Variants in SAMD12 observed in about 807,000 individuals in gnomAD.
SAMD12 encodes the protein sterile alpha motif domain-containing protein 12.
In SAMD12, 9 loss-of-function variants were observed where a neutral mutation model predicts 15.0. The observed-to-expected ratio is 0.60, with a 90% confidence interval of 0.36 to 1.05. The LOEUF is 1.05. Ranked by LOEUF, SAMD12 falls within the 50% of genes least tolerant of loss-of-function variation. The probability of loss-of-function intolerance (pLI) is 0.01; values close to 1 mark genes in which losing one functional copy is unlikely to be tolerated. For synonymous variants in SAMD12, 86 were observed against 90.1 expected (o/e 0.96, Z 0.25); for missense variants, 230 against 234.2 (o/e 0.98, Z 0.12).
chr8:118,590,283 G>A lies in SAMD12; in HGVS notation c.14-9390C>T, dbSNP rs1827553557. 2.0e-5 allele frequency among the ~76,000 whole-genome samples: 3 copies of A among 152,266 alleles called. No homozygotes were observed. The South Asian group carries it at 6.2e-4, about 32-fold the overall frequency. On this transcript the variant is annotated intron_variant, in intron 1 of 3. Transcript: ENST00000314727. ...CAGTAAAGGCTGATTGTAAAGCCTAGACTCACACCCTCACCAGGCTGCACT... is the reference window on the plus strand; with the variant it reads ...CAGTAAAGGCTGATTGTAAAGCCTAAACTCACACCCTCACCAGGCTGCACT...
chr8:118,551,632 C>A (rs899307114), intron 2 of SAMD12, among the ~76,000 whole-genome samples: 23 of 151,470 alleles, frequency 1.5e-4, no homozygotes, highest in African/African-American at 4.1e-4. Flanking sequence ...AAAGCAAGAG[C>A]AAACACATTC....
chr8:118,616,400 T>A (rs893650213), intron 1 of SAMD12, among the ~76,000 whole-genome samples: 4 of 152,126 alleles, frequency 2.6e-5, no homozygotes, highest in Non-Finnish European at 5.9e-5. Flanking sequence ...GTACCACCAG[T>A]AGAAGAGGTA....
chr8:118,227,524 TA>T (rs1423753203), intron 4 of SAMD12, among the ~76,000 whole-genome samples: 2 of 150,916 alleles, frequency 1.3e-5, no homozygotes, highest in East Asian at 1.9e-4. Flanking sequence ...AAATGAGAGT[TA>T]AAAAAAAAGA....
intron 4 of SAMD12, among the ~76,000 whole-genome samples, chr8:118,312,908 A>C (rs2130399463): frequency 6.6e-6 from 1 of 152,266 alleles, no homozygotes; most frequent in South Asian, 2.1e-4. Flanking sequence ...AGTTACCTTG[A>C]CTTGGTATTA....
intron 4 of SAMD12, chr8:118,288,354 C>T (rs1814166693): frequency 6.6e-6 from 1 of 152,128 alleles, no homozygotes; most frequent in South Asian, 2.1e-4. Context: ...TGCCATCACC[C>T]TGCATAACTG....
chr8:118,556,591 TAA>T (rs1057230675), intron 2 of SAMD12, among the ~76,000 whole-genome samples: 1 of 152,230 alleles, frequency 6.6e-6, no homozygotes, highest in African/African-American at 2.4e-5. Context: ...CAGAATCTAA[TAA>T]GTGTGATGGT....
At chr8:118,152,086 T>C in the SAMD12 span, among the ~76,000 whole-genome samples, 5 of 152,128 alleles carry the variant, frequency 3.3e-5, no homozygotes, top group African/African-American at 4.8e-5. Flanking sequence ...TTAGAAGACA[T>C]ATAACAAAGT....
intron 2 of SAMD12, among the ~76,000 whole-genome samples, chr8:118,469,507 A>ATTT (rs1563879043): frequency 2.2e-4 from 1 of 4,616 alleles, no homozygotes; most frequent in African/African-American, 3.6e-4. Context: ...ATATTTTTAT[A>ATTT]TAATATATAA....
At chr8:118,604,731 C>T (rs2131304273) in intron 1 of SAMD12, among the ~76,000 whole-genome samples, 1 of 152,080 alleles carries the variant, frequency 6.6e-6, no homozygotes, top group South Asian at 2.1e-4. Context: ...ACCATCCTGG[C>T]TAACACAGTG....
At chr8:118,330,650 A>C (rs572231836) in intron 4 of SAMD12, among the ~76,000 whole-genome samples, 5 of 152,250 alleles carry the variant, frequency 3.3e-5, no homozygotes, top group Non-Finnish European at 5.9e-5. Flanking sequence ...GAGGCAACAG[A>C]TTGAGATAAA....
intron 1 of SAMD12, among the ~76,000 whole-genome samples, chr8:118,590,431 G>C (rs112395403): frequency 2.6e-5 from 4 of 152,206 alleles, no homozygotes; most frequent in African/African-American, 9.6e-5. Flanking sequence ...GAGATGATAT[G>C]GCAAGGCTGG....
At chr8:118,543,106 C>T (rs1449236896) in intron 2 of SAMD12, among the ~76,000 whole-genome samples, 1 of 152,108 alleles carries the variant, frequency 6.6e-6, no homozygotes, top group African/African-American at 2.4e-5. Context: ...TCTTTGAAAG[C>T]CTAGTTCCCT....
chr8:118,243,744 C>G (rs1285280729), intron 4 of SAMD12, among the ~76,000 whole-genome samples: 2 of 152,050 alleles, frequency 1.3e-5, no homozygotes, highest in Non-Finnish European at 2.9e-5. Context: ...GAGTGTGAAA[C>G]TTTGAAGGAT....
intron 2 of SAMD12, among the ~76,000 whole-genome samples, chr8:118,486,538 T>C (rs912847280): frequency 1.3e-4 from 19 of 151,952 alleles, no homozygotes; most frequent in Admixed American, 2.0e-4. Context: ...AATGCAGGCA[T>C]TCTCTAGAAA....
chr8:118,294,948 G>A (rs1052834864), intron 4 of SAMD12, among the ~76,000 whole-genome samples: 3 of 152,176 alleles, frequency 2.0e-5, no homozygotes, highest in Non-Finnish European at 4.4e-5. Context: ...AGTTTAGAAA[G>A]CAGGAACTGT....
intron 2 of SAMD12, among the ~76,000 whole-genome samples, chr8:118,573,649 TG>T (rs1827078756): frequency 6.6e-6 from 1 of 152,236 alleles, no homozygotes; most frequent in African/African-American, 2.4e-5. Flanking sequence ...CCTTGTCCAT[TG>T]TGTGGCTAAT....
At position 118,599,583 on chromosome 8, in the gene SAMD12, C is replaced by T. The variant is rs113107798; in HGVS notation, c.14-18690G>A. Reference sequence around the variant, plus strand: ...TTTTGTCCCAGTTCACCTCCAATCACCCCACTTTCACAACGATTCAATGTT... The same window carrying T: ...TTTTGTCCCAGTTCACCTCCAATCATCCCACTTTCACAACGATTCAATGTT... On this transcript the variant is annotated intron_variant, in intron 1 of 3. Transcript: ENST00000314727. Among the ~76,000 whole-genome samples the T allele has an allele frequency of 8.9e-3, 1,361 of 152,282 alleles. 23 individuals carry two copies. Among genetic ancestry groups the T allele is most frequent in the African/African-American group, 0.031 (1,308 of 41,548 alleles).
At chr8:118,424,542 A>T (rs1331480290) in intron 3 of SAMD12, among the ~76,000 whole-genome samples, 1 of 152,188 alleles carries the variant, frequency 6.6e-6, no homozygotes, top group Non-Finnish European at 1.5e-5. Flanking sequence ...GAAGCTTGCC[A>T]AGAGTATTCT....
chr8:118,508,141 G>A (rs1383606084), intron 2 of SAMD12, among the ~76,000 whole-genome samples: 2 of 151,032 alleles, frequency 1.3e-5, no homozygotes, highest in African/African-American at 2.4e-5. Flanking sequence ...CTACAGGTGT[G>A]AGCCACTGTG....
Sources: gnomAD v4.1 joint callset for allele counts (sites outside exome capture counted in the v4.1 genomes callset) on GRCh38, gnomAD v4.1.1 for gene constraint, MANE v1.5 for transcripts, NCBI Gene and HGNC (gene_info 2026-07-23, HGNC 2026-07-21) for gene names.